TRPM1: variants seen among roughly 807,000 people sequenced by gnomAD.
The protein encoded by TRPM1 is transient receptor potential cation channel subfamily M member 1.
TRPM1 carries 113 observed loss-of-function variants against 149.4 expected under a neutral mutation model. The observed-to-expected ratio is 0.76, with a 90% CI of 0.65 to 0.88. The LOEUF (loss-of-function observed/expected upper bound fraction) is 0.88, where lower values mean the gene tolerates loss of function less well. Among genes scored for constraint, TRPM1 ranks in the 40% least tolerant of loss-of-function variants. TRPM1 has a pLI of 0.00. For synonymous variants in TRPM1, 741 were observed against 759.5 expected (o/e 0.98, Z 0.40); for missense variants, 1,976 against 2,038.7 (o/e 0.97, Z 0.59).
chr15:31,047,868 A>G, intron 14 of TRPM1, 21 bp downstream of exon 14: 1 of 1,602,154 alleles, frequency 6.2e-7, no homozygotes, highest in African/African-American at 1.3e-5. Context: ...ACAGGTAAGA[A>G]TTGTAAAACA....
At chr15:31,139,831 G>A (rs2036136432) in intron 1 of TRPM1, among the ~76,000 whole-genome samples, 1 of 152,190 alleles carries the variant, frequency 6.6e-6, no homozygotes, top group African/African-American at 2.4e-5. Flanking sequence ...AAGCATAATT[G>A]TTAAGAATGA....
At chr15:31,108,650 T>C (rs996905493) in intron 1 of TRPM1, among the ~76,000 whole-genome samples, 1 of 152,116 alleles carries the variant, frequency 6.6e-6, no homozygotes, top group Admixed American at 6.5e-5. Flanking sequence ...TGTGCCACCA[T>C]GCTCAGCTAA....
chr15:31,006,984 G>C (rs1202028941), intron 27 of TRPM1, among the ~76,000 whole-genome samples: 1 of 151,730 alleles, frequency 6.6e-6, no homozygotes, highest in Non-Finnish European at 1.5e-5. Flanking sequence ...CCATATTATG[G>C]GTTTTAGAGT....
chr15:31,133,794 C>G (rs2141045577), intron 1 of TRPM1, among the ~76,000 whole-genome samples: 1 of 152,320 alleles, frequency 6.6e-6, no homozygotes, highest in African/African-American at 2.4e-5. Flanking sequence ...ATCCCCTTGG[C>G]TCTCGAGATG....
Position 31,155,528 on chromosome 15 carries a change from A to G in TRPM1, c.54+5378T>C, listed in dbSNP as rs540150738. Among the ~76,000 whole-genome samples, 10 of 152,370 alleles carry G rather than the reference A, an allele frequency of 6.6e-5. No individual in the cohort carries two copies. The East Asian group carries it at 1.9e-3, about 29-fold the overall frequency. ...CCTGTGGCTCGCTTGCGAAGTATCA[A>G]AACATGTTTAAATTGTGAAAACATT... On this transcript the variant is annotated intron_variant, in intron 1 of 26. Coordinates refer to the TRPM1 transcript ENST00000542188.
Position 31,067,873 on chromosome 15 carries a change from T to C in TRPM1, c.493+6A>G. Reference sequence around the variant, plus strand: ...GATTATCGGGAGGGAAAGGGCCTGCTCTTACCTGTGCTGACACCCCCGGTG... The same window carrying C: ...GATTATCGGGAGGGAAAGGGCCTGCCCTTACCTGTGCTGACACCCCCGGTG... On this transcript the variant is annotated splice_donor_region_variant and intron_variant, in intron 5 of 27. Coordinates refer to ENST00000256552, the MANE Select transcript of TRPM1 (RefSeq NM_001252024.2). The C allele has an allele frequency of 1.2e-6, 2 of 1,612,378 alleles. No homozygotes were observed. The highest frequency in any genetic ancestry group is 1.7e-6 in the Non-Finnish European group (2 of 1,179,820).
intron 16 of TRPM1, 21 bp downstream of exon 16, chr15:31,046,183 T>G: frequency 6.2e-7 from 1 of 1,611,722 alleles, no homozygotes; most frequent in South Asian, 1.1e-5. Context: ...TATAAAACTG[T>G]TGAAAACAAG....
chr15:31,113,284 C>T (rs970242884), intron 1 of TRPM1, among the ~76,000 whole-genome samples: 26 of 152,178 alleles, frequency 1.7e-4, no homozygotes, highest in African/African-American at 4.1e-4. Context: ...TCTGCCTGCT[C>T]CTCCCTAACT....
intron 4 of TRPM1, chr15:31,069,652 G>C: frequency 7.3e-7 from 1 of 1,372,524 alleles, no homozygotes; most frequent in Non-Finnish European, 9.3e-7. Flanking sequence ...AGACCTCAGA[G>C]GAAAATATTT....
chr15:31,039,319 G>C (rs895497243), intron 18 of TRPM1, among the ~76,000 whole-genome samples: 2 of 152,082 alleles, frequency 1.3e-5, no homozygotes, highest in Non-Finnish European at 2.9e-5. Flanking sequence ...TCTGAAAACT[G>C]TTTATTAATA....
chr15:31,072,270 T>C (rs1464733277), intron 3 of TRPM1, among the ~76,000 whole-genome samples: 1 of 152,004 alleles, frequency 6.6e-6, no homozygotes, highest in Non-Finnish European at 1.5e-5. Flanking sequence ...TTCATATGAA[T>C]GCAGTCCTGT....
intron 24 of TRPM1, among the ~76,000 whole-genome samples, chr15:31,028,744 T>A (rs1442490074): frequency 6.6e-6 from 1 of 151,296 alleles, no homozygotes; most frequent in African/African-American, 2.4e-5. Context: ...TGAGCGAGAC[T>A]CCCAGTTGTC....
chr15:31,029,415 ATTTTTGT>A, intron 23 of TRPM1, 24 bp from the exon 24 acceptor site: 1 of 1,613,558 alleles, frequency 6.2e-7, no homozygotes, highest in Non-Finnish European at 8.5e-7. Flanking sequence ...GGAAAGCAGG[ATTTTTGT>A]TTTGTTTTGT....
chr15:31,114,675 T>G (rs1318467603), intron 1 of TRPM1, among the ~76,000 whole-genome samples: 1 of 152,194 alleles, frequency 6.6e-6, no homozygotes, highest in African/African-American at 2.4e-5. Context: ...GGTAACAAAA[T>G]TATATATTCA....
In TRPM1 at chr15:31,078,385, G is replaced by A. The variant is rs540373303; in HGVS notation, c.4-1401C>T. Among the ~76,000 whole-genome samples the A allele has an allele frequency of 7.2e-5, 11 of 152,334 alleles. No homozygotes were observed. The South Asian group carries it at 1.9e-3, about 26-fold the overall frequency. On this transcript the variant is annotated intron_variant, in intron 2 of 27. Coordinates refer to ENST00000256552, the MANE Select transcript of TRPM1 (RefSeq NM_001252024.2). ...GCCCTAGTCCCAGCTGTGCGGACTA[G>A]GGCGTGCAAGTACCCCCCAAACTCA...
intron 1 of TRPM1, among the ~76,000 whole-genome samples, chr15:31,113,910 C>G (rs1447818834): frequency 6.6e-6 from 1 of 152,182 alleles, no homozygotes. Context: ...GGGTGGGCAG[C>G]TTTTATTCCC....
chr15:31,088,329 C>G (rs1422254635), intron 1 of TRPM1, among the ~76,000 whole-genome samples: 1 of 152,216 alleles, frequency 6.6e-6, no homozygotes, highest in Admixed American at 6.5e-5. Flanking sequence ...CCGCTCGGGT[C>G]TCCTTATTGG....
chr15:31,077,065 C>A, intron 2 of TRPM1, 81 bp from the exon 3 acceptor site: 1 of 897,276 alleles, frequency 1.1e-6, no homozygotes, highest in Non-Finnish European at 1.8e-6. Context: ...CTTTATAAAA[C>A]AATATGTCTG....
At chr15:31,028,023 T>G (rs2032868003) in intron 25 of TRPM1, among the ~76,000 whole-genome samples, 1 of 152,202 alleles carries the variant, frequency 6.6e-6, no homozygotes, top group Non-Finnish European at 1.5e-5. Context: ...AAAGCATGAC[T>G]TAATCAAATA....
Sources: gnomAD v4.1 joint callset for allele counts (sites outside exome capture counted in the v4.1 genomes callset) on GRCh38, gnomAD v4.1.1 for gene constraint, MANE v1.5 for transcripts, NCBI Gene and HGNC (gene_info 2026-07-23, HGNC 2026-07-21) for gene names.